Variants in COQ7 observed in about 807,000 individuals in gnomAD.
COQ7 encodes the protein NADPH-dependent 3-demethoxyubiquinone 3-hydroxylase, mitochondrial.
COQ7 carries 21 observed loss-of-function variants against 25.0 expected under a neutral mutation model. The observed-to-expected ratio is 0.84, with a 90% CI of 0.60 to 1.21. COQ7 has a LOEUF of 1.21. Ranked by LOEUF, COQ7 falls within the 50% of genes most tolerant of loss-of-function variation. The pLI is 0.00. For missense variants in COQ7, 311 were observed against 296.2 expected (o/e 1.05, Z -0.37); for synonymous variants, 125 against 112.4 (o/e 1.11, Z -0.71).
intron 4 of COQ7, among the ~76,000 whole-genome samples, chr16:19,076,347 AGCTTCCCAAAGTGCTAGAATTATAGGCAT>A (rs1396079032): frequency 6.8e-6 from 1 of 147,178 alleles, no homozygotes; most frequent in Non-Finnish European, 1.5e-5. Flanking sequence ...CTCTCTCCTC[AGCTTCCCAAAGTGCTAGAATTATAGGCAT>A]GAACCACCAC....
At position 19,074,170 on chromosome 16, in the gene COQ7, A is replaced by G. The variant is rs1962711382; in HGVS notation, c.367+135A>G. The G allele has an allele frequency of 1.7e-5, 10 of 581,420 alleles. No homozygotes were observed. In the East Asian group the frequency reaches 3.2e-4, roughly 18 times the overall value. The allele number at this position is 581,420 out of a possible 1,614,324, so 36.0% of individuals were successfully genotyped here. ...TTTACTTCATATTTTTCCGAGGTTA[A>G]ATTGACTGCCTTTTTTTGTGTGTGG... On this transcript the variant is annotated intron_variant, in intron 3 of 5. Coordinates refer to ENST00000321998, the MANE Select transcript of COQ7 (RefSeq NM_016138.5).
chr16:19,072,641 C>G (rs999164883), intron 2 of COQ7, among the ~76,000 whole-genome samples: 2 of 152,176 alleles, frequency 1.3e-5, no homozygotes, highest in African/African-American at 4.8e-5. Context: ...GGGTCTGGCC[C>G]ATAAAGGTCA....
intron 5 of COQ7, 64 bp from the exon 6 acceptor site, chr16:19,078,017 C>A: frequency 7.6e-7 from 1 of 1,321,740 alleles, no homozygotes; most frequent in South Asian, 1.3e-5. Context: ...CCTGCCAGCC[C>A]TGAATCTTAC....
intron 2 of COQ7, chr16:19,072,375 A>C (rs1962608643): frequency 1.1e-5 from 5 of 464,518 alleles, no homozygotes; most frequent in South Asian, 1.1e-4. Flanking sequence ...TAATGAAAAA[A>C]GGTTAAGAAT....
chr16:19,069,973 G>T (rs1962470952), intron 1 of COQ7, among the ~76,000 whole-genome samples: 1 of 151,628 alleles, frequency 6.6e-6, no homozygotes, highest in South Asian at 2.1e-4. Flanking sequence ...TGGTAGAGAT[G>T]GGTTTTCACC....
chr16:19,082,907 C>T (rs988069554), downstream of COQ7, among the ~76,000 whole-genome samples: 1 of 151,820 alleles, frequency 6.6e-6, no homozygotes, highest in Non-Finnish European at 1.5e-5. Flanking sequence ...TAGGCAAATC[C>T]ATAGAAACAG....
chr16:19,067,726 G>C lies in COQ7; in HGVS notation c.62G>C (p.Arg21Pro), dbSNP rs1218936085. The change falls in exon 1 of 6, where the codon CGG becomes CCG. Residue 21 changes from arginine to proline, a missense_variant. Coordinates refer to ENST00000321998, the MANE Select transcript of COQ7 (RefSeq NM_016138.5). ...RLWRLRPGAR[R>P]SLSAYGRRTS... ...TGGCGGCTGCGCCCGGGGGCCCGGCGGTCCCTCTCAGGTAAAAGGAGGCGC... is the reference window on the plus strand; with the variant it reads ...TGGCGGCTGCGCCCGGGGGCCCGGCCGTCCCTCTCAGGTAAAAGGAGGCGC... The C allele has an allele frequency of 6.2e-7, 1 of 1,604,960 alleles. No individual in the cohort carries two copies. Among genetic ancestry groups the C allele is most frequent in the Admixed American group, 1.7e-5 (1 of 58,260 alleles).
intron 4 of COQ7, 85 bp from the exon 5 acceptor site, chr16:19,077,221 A>G (rs1350273063): frequency 1.6e-5 from 19 of 1,215,146 alleles, no homozygotes; most frequent in Non-Finnish European, 2.0e-5. Context: ...TTAGGCCATA[A>G]TAAGAGGCTT....
At position 19,077,210 on chromosome 16, in the gene COQ7, C is replaced by T; in HGVS notation, c.508-96C>T. 17 of 1,069,088 alleles carry T rather than the reference C, an allele frequency of 1.6e-5. No individual in the cohort carries two copies. The South Asian group carries it at 2.2e-4, about 14-fold the overall frequency. The allele number at this position is 1,069,088 out of a possible 1,614,324, so 66.2% of individuals were successfully genotyped here. On this transcript the variant is annotated intron_variant, in intron 4 of 5. Transcript: ENST00000321998. ...TTAGAGGAAAAGCTGGCCTCCCTGT[C>T]TTAGGCCATAATAAGAGGCTTTAGC...
intron 1 of COQ7, chr16:19,068,628 G>T: frequency 4.0e-6 from 1 of 251,896 alleles, no homozygotes; most frequent in Non-Finnish European, 7.9e-6. Context: ...CTGCAACCTG[G>T]GCGTCAGAGC....
rs1307539227 is a variant in COQ7, at chr16:19,079,699, A to G, written c.*1541A>G. On this transcript the variant is annotated 3_prime_UTR_variant, in exon 6 of 6. Coordinates refer to ENST00000321998, the MANE Select transcript of COQ7 (RefSeq NM_016138.5). ...TATAAGATGCTTCTGGGAAAGAACC[A>G]CATTTTAGGAATTTGCTTCCCACCC... The G allele has an allele frequency of 2.0e-5, 3 of 152,200 alleles. No homozygotes were observed. The highest frequency in any genetic ancestry group is 4.4e-5 in the Non-Finnish European group (3 of 68,030). The allele number at this position is 152,200 out of a possible 1,614,324, so 9.4% of individuals were successfully genotyped here. A position where few individuals can be genotyped will look rare whatever the true frequency, so the allele number is the denominator to read the frequency against.
chr16:19,068,421 G>C, intron 1 of COQ7: 1 of 986,138 alleles, frequency 1.0e-6, no homozygotes, highest in Non-Finnish European at 1.2e-6. Context: ...GGAGGCCGAG[G>C]CTGGAGGATC....
chr16:19,075,525 G>A (rs1197920333), intron 3 of COQ7, among the ~76,000 whole-genome samples, 196 bp from the exon 4 acceptor site: 1 of 152,166 alleles, frequency 6.6e-6, no homozygotes, highest in Non-Finnish European at 1.5e-5. Context: ...TCAAAACTTA[G>A]TTGGCACTGC....
At chr16:19,073,432 G>T (rs1439117091) in intron 2 of COQ7, among the ~76,000 whole-genome samples, 1 of 152,188 alleles carries the variant, frequency 6.6e-6, no homozygotes, top group Non-Finnish European at 1.5e-5. Context: ...GGTTGAGGCT[G>T]CGGTGAGCCA....
rs1032707547 is a variant in COQ7, at chr16:19,078,551, C to T, written c.*393C>T. On this transcript the variant is annotated 3_prime_UTR_variant, in exon 6 of 6. Transcript: ENST00000321998. ...ACTCACTGCAGCCTGGACCTCCTAGCCTCAAGCAATCCACCCACCTCAGCC... is the reference window on the plus strand; with the variant it reads ...ACTCACTGCAGCCTGGACCTCCTAGTCTCAAGCAATCCACCCACCTCAGCC... 2.0e-5 allele frequency: 3 copies of T among 152,428 alleles called. No homozygotes were observed. The highest frequency in any genetic ancestry group is 7.2e-5 in the African/African-American group (3 of 41,422). 9.4% of individuals were successfully genotyped at this position (152,428 alleles called of 1,614,324 possible).
intron 2 of COQ7, chr16:19,072,313 A>G: frequency 3.3e-6 from 2 of 597,442 alleles, no homozygotes; most frequent in Non-Finnish European, 5.9e-6. Context: ...TAGTACATAG[A>G]CAGGTATGCG....
chr16:19,072,253 G>A lies in COQ7; in HGVS notation c.252+147G>A, dbSNP rs75840932. 639 of 861,358 alleles carry A rather than the reference G, an allele frequency of 7.4e-4. 6 individuals carry two copies. In the African/African-American group the frequency reaches 9.8e-3, roughly 13 times the overall value. The allele number at this position is 861,358 out of a possible 1,614,324, so 53.4% of individuals were successfully genotyped here. On this transcript the variant is annotated intron_variant, in intron 2 of 5. Coordinates refer to ENST00000321998, the MANE Select transcript of COQ7 (RefSeq NM_016138.5). The stretch of plus-strand genomic sequence containing the variant: ...GAAGGTTGGTTCTTGGTGGAGATGG[G>A]GAGCAAAAAGCATATTGTTCTTTTT...
rs1265708627 is a variant in COQ7 at position 19,078,375 on chromosome 16, A to C, written c.*217A>C. The C allele has an allele frequency of 1.6e-5, 6 of 377,160 alleles. No homozygotes were observed. Among genetic ancestry groups the C allele is most frequent in the Admixed American group, 4.5e-5 (1 of 21,984 alleles). 23.4% of individuals were successfully genotyped at this position (377,160 alleles called of 1,614,324 possible). A position where few individuals can be genotyped will look rare whatever the true frequency, so the allele number is the denominator to read the frequency against. On this transcript the variant is annotated 3_prime_UTR_variant, in exon 6 of 6. Coordinates refer to ENST00000321998, the MANE Select transcript of COQ7 (RefSeq NM_016138.5). ...ACCAACAGGTCACCAGCCTTGTTCA[A>C]GTTACAGCAAACGAAGCTGGGCCTT...
At chr16:19,077,098 G>A (rs532972715) in intron 4 of COQ7, among the ~76,000 whole-genome samples, 13 of 152,326 alleles carry the variant, frequency 8.5e-5, no homozygotes, top group East Asian at 3.9e-4. Flanking sequence ...ACACAAGCAC[G>A]TCCATTTGTT....
Sources: gnomAD v4.1 joint callset for allele counts (sites outside exome capture counted in the v4.1 genomes callset) on GRCh38, gnomAD v4.1.1 for gene constraint, MANE v1.5 for transcripts, NCBI Gene and HGNC (gene_info 2026-07-23, HGNC 2026-07-21) for gene names.